The following OTUD7A variants were observed in gnomAD, a reference collection of about 807,000 sequenced individuals.
OTUD7A encodes OTU domain-containing protein 7A.
OTUD7A carries 12 observed loss-of-function variants against 65.7 expected under a neutral mutation model. The ratio of observed to expected loss-of-function variants is 0.18; its 90% CI spans 0.12 to 0.30. The LOEUF is 0.30. Among genes scored for constraint, OTUD7A ranks in the 10% least tolerant of loss-of-function variants. OTUD7A has a pLI of 1.00. For synonymous variants in OTUD7A, 641 were observed against 586.3 expected, an observed-to-expected ratio of 1.09 and a Z score of -1.35; for missense variants, 1,148 against 1,304.8, an observed-to-expected ratio of 0.88 and a Z score of 1.85.
At chr15:31,857,672 T>G (rs1897612123) in intron 1 of OTUD7A, among the ~76,000 whole-genome samples, 1 of 152,222 alleles carries the variant, frequency 6.6e-6, no homozygotes, top group African/African-American at 2.4e-5. Flanking sequence ...GGATGACATG[T>G]GACTCCAGAC....
intron 3 of OTUD7A, among the ~76,000 whole-genome samples, chr15:31,617,857 C>T (rs1890641782): frequency 6.6e-6 from 1 of 152,038 alleles, no homozygotes; most frequent in Non-Finnish European, 1.5e-5. Context: ...TATACATGTG[C>T]CATGTTGGTG....
chr15:31,599,490 C>T (rs1890010491), intron 3 of OTUD7A, among the ~76,000 whole-genome samples: 1 of 152,090 alleles, frequency 6.6e-6, no homozygotes, highest in South Asian at 2.1e-4. Flanking sequence ...CAAAGGTCAC[C>T]AACATCAAAG....
At chr15:31,702,658 T>C (rs1893239288) in intron 1 of OTUD7A, among the ~76,000 whole-genome samples, 1 of 152,098 alleles carries the variant, frequency 6.6e-6, no homozygotes, top group Non-Finnish European at 1.5e-5. Context: ...CTCAATACAC[T>C]AATGATGCCA....
rs879561188 is a variant in OTUD7A, at chr15:31,753,721, T to TATTA, written c.-99-96645_-99-96644insTAAT. 8.9e-4 allele frequency among the ~76,000 whole-genome samples: 95 copies of TATTA among 106,744 alleles called. 1 individual carries two copies. Among genetic ancestry groups the TATTA allele is most frequent in the African/African-American group, 4.4e-3 (88 of 19,982 alleles). 70.0% of individuals were successfully genotyped at this position (106,744 alleles called of 152,430 possible). A position where few individuals can be genotyped will look rare whatever the true frequency, so the allele number is the denominator to read the frequency against. ...TATATATTATATATATATATATATA[T>TATTA]TATATATATATATATATATCTCACA... is the stretch of plus-strand genomic sequence containing the variant. On this transcript the variant is annotated intron_variant, in intron 1 of 12. Transcript: ENST00000307050.
At chr15:31,750,403 CAAA>C (rs3080850) in intron 1 of OTUD7A, among the ~76,000 whole-genome samples, 4 of 88,308 alleles carry the variant, frequency 4.5e-5, no homozygotes, top group Admixed American at 1.5e-4. Context: ...GAATCTGACT[CAAA>C]AAAAAAAAAA....
At chr15:31,770,986 A>T (rs973140264) in intron 1 of OTUD7A, among the ~76,000 whole-genome samples, 2 of 152,218 alleles carry the variant, frequency 1.3e-5, no homozygotes, top group Admixed American at 1.3e-4. Flanking sequence ...TGCACCTACG[A>T]TCAAGAGCAA....
intron 1 of OTUD7A, among the ~76,000 whole-genome samples, chr15:31,855,888 G>C (rs1229312867): frequency 6.6e-6 from 1 of 152,178 alleles, no homozygotes; most frequent in Admixed American, 6.5e-5. Flanking sequence ...GGCTATAGTT[G>C]CTCCCCAAAT....
intron 8 of OTUD7A, among the ~76,000 whole-genome samples, chr15:31,523,928 T>G (rs946588149): frequency 1.3e-5 from 2 of 152,198 alleles, no homozygotes; most frequent in Non-Finnish European, 2.9e-5. Context: ...CACGGGTGCC[T>G]TGCTGAGGCG....
intron 1 of OTUD7A, among the ~76,000 whole-genome samples, chr15:31,670,931 C>T (rs1892467448): frequency 6.6e-6 from 1 of 151,758 alleles, no homozygotes; most frequent in Non-Finnish European, 1.5e-5. Flanking sequence ...GGAGGCGGAG[C>T]TTGCAGTGAG....
rs1371839186 is a variant in OTUD7A at position 31,767,395 on chromosome 15, C to T, written c.-100+103112G>A. 7.7e-6 allele frequency: 6 copies of T among 775,418 alleles called. No homozygotes were observed. In the South Asian group the frequency reaches 8.1e-5, roughly 10 times the overall value. 48.0% of individuals were successfully genotyped at this position (775,418 alleles called of 1,614,324 possible). ...AAATAATCTGTGATTGTTCTGAATA[C>T]ATGTCATTCAAATCCAACATAAGTT... is the stretch of plus-strand genomic sequence containing the variant. On this transcript the variant is annotated intron_variant, in intron 1 of 12. Transcript: ENST00000307050.
chr15:31,799,238 G>A (rs1273588085), intron 1 of OTUD7A, among the ~76,000 whole-genome samples: 10 of 152,160 alleles, frequency 6.6e-5, no homozygotes, highest in African/African-American at 9.7e-5. Flanking sequence ...AGATGGCTGC[G>A]TCTCCTTAAT....
At chr15:31,504,167 A>C (rs968559003) in intron 8 of OTUD7A, among the ~76,000 whole-genome samples, 1 of 152,072 alleles carries the variant, frequency 6.6e-6, no homozygotes, top group Non-Finnish European at 1.5e-5. Context: ...TTTCACAAGG[A>C]AGCAGTGGGG....
chr15:31,534,242 G>C (rs1887723532), intron 5 of OTUD7A, among the ~76,000 whole-genome samples: 1 of 152,154 alleles, frequency 6.6e-6, no homozygotes, highest in African/African-American at 2.4e-5. Flanking sequence ...AGGGATGCAA[G>C]GATGGCTCAA....
intron 1 of OTUD7A, among the ~76,000 whole-genome samples, chr15:31,863,771 G>A (rs548563165): frequency 2.2e-4 from 33 of 152,296 alleles, no homozygotes; most frequent in Non-Finnish European, 1.2e-4. Flanking sequence ...AGTGTTTAAC[G>A]TTAGGATCCT....
At chr15:31,675,143 G>C (rs1892568062) in intron 1 of OTUD7A, among the ~76,000 whole-genome samples, 1 of 149,952 alleles carries the variant, frequency 6.7e-6, no homozygotes, top group Non-Finnish European at 1.5e-5. Context: ...AAACATAGAT[G>C]TACAACTTAA....
At chr15:31,486,491 G>C (rs2041238405) in intron 12 of OTUD7A, among the ~76,000 whole-genome samples, 1 of 152,230 alleles carries the variant, frequency 6.6e-6, no homozygotes, top group Non-Finnish European at 1.5e-5. Context: ...CCAATTACTT[G>C]CAGGCTGTTT....
chr15:31,499,519 G>A lies in OTUD7A; in HGVS notation c.1171+2171C>T, dbSNP rs151215458. Reference sequence around the variant, plus strand: ...TGTGATTTCCACGTCCCTCTCTGCTGAGATGTCGTGTGACTTGAGAGCACA... The same window carrying A: ...TGTGATTTCCACGTCCCTCTCTGCTAAGATGTCGTGTGACTTGAGAGCACA... On this transcript the variant is annotated intron_variant, in intron 10 of 12. Coordinates refer to ENST00000307050, the MANE Select transcript of OTUD7A (RefSeq NM_001382637.1). Among the ~76,000 whole-genome samples the A allele has an allele frequency of 2.0e-4, 31 of 152,380 alleles. No individual in the cohort carries two copies. In the East Asian group the frequency reaches 5.4e-3, roughly 27 times the overall value.
chr15:31,795,685 G>A (rs1895933123), intron 1 of OTUD7A, among the ~76,000 whole-genome samples: 1 of 152,218 alleles, frequency 6.6e-6, no homozygotes, highest in African/African-American at 2.4e-5. Flanking sequence ...GCACGTTCCT[G>A]AAATGCAAAT....
chr15:31,617,688 T>C (rs1488218679), intron 3 of OTUD7A, among the ~76,000 whole-genome samples: 1 of 152,084 alleles, frequency 6.6e-6, no homozygotes, highest in South Asian at 2.1e-4. Context: ...AGAAAGAAGG[T>C]GCAGTGATAG....
Sources: allele counts gnomAD v4.1 joint callset (sites outside exome capture counted in the v4.1 genomes callset), GRCh38; gene constraint gnomAD v4.1.1; transcripts MANE v1.5; gene names NCBI Gene and HGNC (gene_info 2026-07-23, HGNC 2026-07-21).